Variants in VWA3B observed in about 807,000 individuals in gnomAD.
VWA3B encodes the protein von Willebrand factor A domain-containing protein 3B.
A neutral mutation model predicts 158.3 loss-of-function variants in VWA3B; 138 were observed. The ratio of observed to expected loss-of-function variants is 0.87; its 90% CI spans 0.76 to 1.00. The LOEUF is 1.00. Ranked by LOEUF, VWA3B falls within the 50% of genes least tolerant of loss-of-function variation. VWA3B has a pLI of 0.00. For missense variants in VWA3B, 1,555 were observed against 1,565.1 expected (o/e 0.99, Z 0.11); for synonymous variants, 596 against 587.3 (o/e 1.01, Z -0.21).
rs6721733 is a variant in VWA3B at position 98,102,027 on chromosome 2, G to C, written c.196+8739G>C. 9.5e-3 allele frequency among the ~76,000 whole-genome samples: 1,449 copies of C among 152,190 alleles called. 38 individuals are homozygous for C. The highest frequency in any genetic ancestry group is 0.033 in the African/African-American group (1,382 of 41,496). On this transcript the variant is annotated intron_variant, in intron 2 of 27. Coordinates refer to ENST00000477737, the MANE Select transcript of VWA3B (RefSeq NM_144992.5). The stretch of plus-strand genomic sequence containing the variant: ...TAGGCAGAGGTCCCTGCGGCCTTCC[G>C]CAGTGTTTGTGTCCCTTGGTACTTA...
chr2:98,126,552 C>T (rs1301375373), intron 5 of VWA3B, among the ~76,000 whole-genome samples: 1 of 152,224 alleles, frequency 6.6e-6, no homozygotes, highest in Non-Finnish European at 1.5e-5. Context: ...CCCACAAGGT[C>T]ATGCATCAGA....
In VWA3B at chr2:98,256,126, G is replaced by A. The variant is rs199730936; in HGVS notation, c.2795G>A (p.Arg932His). The change falls in exon 21 of 28, where the codon CGC becomes CAC. Residue 932 changes from arginine to histidine, a missense_variant and splice_region_variant. Arg to His is a conservative substitution (Grantham distance 29, BLOSUM62 0). Coordinates refer to ENST00000477737, the MANE Select transcript of VWA3B (RefSeq NM_144992.5). ...VEQAIQSYEK[R>H]LNKIVWRALS... ...TGTTGACTTTTTTTTTTTAACAGGC[G>A]CTTGAATAAAATTGTTTGGCGAGCA... 236 of 1,612,892 alleles carry A rather than the reference G, an allele frequency of 1.5e-4. 1 individual carries two copies. In the African/African-American group the frequency reaches 2.6e-3, roughly 18 times the overall value.
intron 13 of VWA3B, among the ~76,000 whole-genome samples, chr2:98,215,444 AAAAAAACAAAAAAC>A (rs574591684): frequency 6.6e-6 from 1 of 151,550 alleles, no homozygotes; most frequent in African/African-American, 2.4e-5. Flanking sequence ...CCATCTAAAA[AAAAAAACAAAAAAC>A]AAAAAACAAA....
At chr2:98,261,668 CTAGA>C (rs1437259348) in intron 21 of VWA3B, among the ~76,000 whole-genome samples, 2 of 151,580 alleles carry the variant, frequency 1.3e-5, no homozygotes, top group Non-Finnish European at 3.0e-5. Context: ...AGTAGTGTTA[CTAGA>C]TAGAGAATTC....
At chr2:98,268,025 A>C (rs1162654961) in intron 21 of VWA3B, among the ~76,000 whole-genome samples, 2 of 152,042 alleles carry the variant, frequency 1.3e-5, no homozygotes, top group Non-Finnish European at 2.9e-5. Flanking sequence ...CAATAACAGG[A>C]TCTGAAATTG....
In VWA3B at chr2:98,256,105, G is replaced by T; in HGVS notation, c.2793-19G>T. 1 of 1,610,194 alleles carries T rather than the reference G, an allele frequency of 6.2e-7. No individual in the cohort carries two copies. Among genetic ancestry groups the T allele is most frequent in the South Asian group, 1.1e-5 (1 of 90,672 alleles). On this transcript the variant is annotated intron_variant, in intron 20 of 27. Transcript: ENST00000477737. ...GAAGTACTGCTACAAAATTATTGTT[G>T]ACTTTTTTTTTTTAACAGGCGCTTG...
In VWA3B at chr2:98,133,850, A is replaced by C; in HGVS notation, c.899A>C (p.Glu300Ala). ...TTCCACGCATTTGCCGAGAGAACAGAGTGTGTAGAATTTCCTGCATTCTCC... is the reference window on the plus strand; with the variant it reads ...TTCCACGCATTTGCCGAGAGAACAGCGTGTGTAGAATTTCCTGCATTCTCC... ...SRFHAFAERTECVEFPAFSTK... is the reference protein window; with the variant it reads ...SRFHAFAERTACVEFPAFSTK... Residue 300 changes from glutamate to alanine, a missense_variant, in exon 7 of 28, where the codon GAG becomes GCG. By Grantham distance (107) the Glu-to-Ala change is moderately radical (BLOSUM62 -1). Transcript: ENST00000477737. The C allele has an allele frequency of 6.2e-7, 1 of 1,614,116 alleles. No individual in the cohort carries two copies. The highest frequency in any genetic ancestry group is 8.5e-7 in the Non-Finnish European group (1 of 1,180,000).
At chr2:98,099,714 G>T (rs899137544) in intron 2 of VWA3B, among the ~76,000 whole-genome samples, 1 of 151,772 alleles carries the variant, frequency 6.6e-6, no homozygotes. Flanking sequence ...TTGCTCTTTT[G>T]ATGCTTTCCC....
At chr2:98,274,609 T>C (rs1688409564) in intron 22 of VWA3B, among the ~76,000 whole-genome samples, 1 of 152,002 alleles carries the variant, frequency 6.6e-6, no homozygotes, top group Admixed American at 6.5e-5. Context: ...ACGTTGGGCA[T>C]GGGAGGAGGT....
chr2:98,147,170 A>T, intron 7 of VWA3B, among the ~76,000 whole-genome samples: 1 of 152,346 alleles, frequency 6.6e-6, no homozygotes, highest in Non-Finnish European at 1.5e-5. Flanking sequence ...TTACTACTAC[A>T]TCAGATATCT....
rs141293662 is a variant in VWA3B, at chr2:98,101,591, A to G, written c.196+8303A>G. On this transcript the variant is annotated intron_variant, in intron 2 of 27. Coordinates refer to ENST00000477737, the MANE Select transcript of VWA3B (RefSeq NM_144992.5). The stretch of plus-strand genomic sequence containing the variant: ...ACCAATTCCTTGCCAGCTTTGTTCT[A>G]TTCTGGTACTAAGGAAGATCTAGGG... 2.6e-5 allele frequency among the ~76,000 whole-genome samples: 4 copies of G among 152,230 alleles called. No individual in the cohort carries two copies. In the East Asian group the frequency reaches 7.7e-4, roughly 29 times the overall value.
chr2:98,249,522 C>A (rs1158869321), intron 19 of VWA3B, among the ~76,000 whole-genome samples: 3 of 152,122 alleles, frequency 2.0e-5, no homozygotes, highest in African/African-American at 7.2e-5. Context: ...GAGAAGCTAA[C>A]AGTGAACTTT....
At chr2:98,136,973 T>G (rs957692760) in intron 7 of VWA3B, among the ~76,000 whole-genome samples, 1 of 152,254 alleles carries the variant, frequency 6.6e-6, no homozygotes, top group Non-Finnish European at 1.5e-5. Context: ...TTGTAATATG[T>G]CAGAATTTCC....
intron 4 of VWA3B, 82 bp downstream of exon 4, chr2:98,119,845 A>T: frequency 4.7e-6 from 7 of 1,502,838 alleles, no homozygotes; most frequent in Non-Finnish European, 6.4e-6. Context: ...CACAGCTGAC[A>T]CAGTTAGCTC....
At chr2:98,153,830 C>A (rs1221684147) in intron 7 of VWA3B, among the ~76,000 whole-genome samples, 1 of 152,148 alleles carries the variant, frequency 6.6e-6, no homozygotes, top group East Asian at 1.9e-4. Flanking sequence ...AAGTCCTGCC[C>A]CTTGTAACAG....
chr2:98,282,658 CA>C (rs2105924295), intron 22 of VWA3B, among the ~76,000 whole-genome samples: 1 of 152,086 alleles, frequency 6.6e-6, no homozygotes, highest in South Asian at 2.1e-4. Context: ...AGGCTGGTCT[CA>C]AACTCCTGGC....
At chr2:98,192,764 TCTA>T (rs1681701014) in intron 10 of VWA3B, 131 bp from the exon 11 acceptor site, 1 of 1,240,478 alleles carries the variant, frequency 8.1e-7, no homozygotes, top group Non-Finnish European at 1.1e-6. Context: ...AAGCGAATGA[TCTA>T]CTCACAGAAG....
intron 22 of VWA3B, among the ~76,000 whole-genome samples, chr2:98,272,188 G>A (rs975114213): frequency 1.3e-5 from 2 of 152,192 alleles, no homozygotes; most frequent in African/African-American, 4.8e-5. Flanking sequence ...ACAAGTCTGG[G>A]CCTCCAGAAC....
intron 16 of VWA3B, among the ~76,000 whole-genome samples, chr2:98,230,755 ACT>A (rs1442918757): frequency 3.9e-5 from 6 of 152,158 alleles, no homozygotes; most frequent in Admixed American, 3.9e-4. Context: ...AAGGATGCCT[ACT>A]CTTACCACCC....
Sources: gnomAD v4.1 joint callset for allele counts (sites outside exome capture counted in the v4.1 genomes callset) on GRCh38, gnomAD v4.1.1 for gene constraint, MANE v1.5 for transcripts, NCBI Gene and HGNC (gene_info 2026-07-23, HGNC 2026-07-21) for gene names.